The following SMIM35 variants were observed in gnomAD, a reference collection of about 807,000 sequenced individuals.
SMIM35 encodes the protein TMPRSS4 antisense RNA 1 (non-protein coding).
At chr11:118,048,373 C>T (rs1316100540) in intron 1 of SMIM35, among the ~76,000 whole-genome samples, 1 of 152,048 alleles carries the variant, frequency 6.6e-6, no homozygotes, top group Non-Finnish European at 1.5e-5. Context: ...ATTAGCTGGA[C>T]CTGCTGGCGT....
chr11:118,080,122 G>C (rs951231827), intron 1 of SMIM35, among the ~76,000 whole-genome samples: 12 of 152,206 alleles, frequency 7.9e-5, no homozygotes, highest in East Asian at 5.8e-4. Flanking sequence ...CACCCTGCAG[G>C]TGCTCAACAC....
intron 1 of SMIM35, among the ~76,000 whole-genome samples, chr11:118,073,565 C>G (rs556147327): frequency 6.6e-6 from 1 of 152,332 alleles, no homozygotes; most frequent in South Asian, 2.1e-4. Context: ...GACAAAAAAG[C>G]TGCCGGTGCA....
At chr11:118,013,267 T>G (rs190688523) in intron 4 of SMIM35, among the ~76,000 whole-genome samples, 4 of 151,940 alleles carry the variant, frequency 2.6e-5, no homozygotes, top group African/African-American at 7.2e-5. Flanking sequence ...ATGGTTTGAA[T>G]GGGAAAAAGC....
At position 118,031,530 on chromosome 11, in the gene SMIM35, A is replaced by G. The variant is rs531703191; in HGVS notation, c.8-15721T>C. On this transcript the variant is annotated intron_variant, in intron 1 of 4. Transcript: ENST00000689828. Reference sequence around the variant, plus strand: ...CAATGGCTGTTAAGTTTTCAAGGGAAGGCGAGAGTATCAAAATTTGATTTG... The same window carrying G: ...CAATGGCTGTTAAGTTTTCAAGGGAGGGCGAGAGTATCAAAATTTGATTTG... Among the ~76,000 whole-genome samples the G allele has an allele frequency of 9.2e-5, 14 of 152,332 alleles. No homozygotes were observed. In the South Asian group the frequency reaches 2.9e-3, roughly 32 times the overall value.
At chr11:118,067,071 A>G (rs1591308772) in intron 1 of SMIM35, among the ~76,000 whole-genome samples, 2 of 152,130 alleles carry the variant, frequency 1.3e-5, no homozygotes, top group East Asian at 3.8e-4. Context: ...TAATTTAGTT[A>G]AAACCAGATG....
Position 118,048,574 on chromosome 11 carries a change from GAAGGAAGGAAGGAAGGAAGGAAGC to G in SMIM35, c.8-32789_8-32766del, listed in dbSNP as rs1213720148. ...GGAAGGAAGGAAGGAAGGAAGGAAG[GAAGGAAGGAAGGAAGGAAGGAAGC>G]AAGGAAGCAAGGAAGCAAGGAAGGA... On this transcript the variant is annotated intron_variant, in intron 1 of 4. Coordinates refer to ENST00000689828, the MANE Select transcript of SMIM35 (RefSeq NM_001394165.1). Among the ~76,000 whole-genome samples, 8 of 87,600 alleles carry G rather than the reference GAAGGAAGGAAGGAAGGAAGGAAGC, an allele frequency of 9.1e-5. No homozygotes were observed. In the South Asian group the frequency reaches 2.0e-3, roughly 22 times the overall value. 57.5% of individuals were successfully genotyped at this position (87,600 alleles called of 152,430 possible). A position where few individuals can be genotyped will look rare whatever the true frequency, so the allele number is the denominator to read the frequency against.
At position 118,045,595 on chromosome 11, in the gene SMIM35, T is replaced by G. The variant is rs532108182; in HGVS notation, c.8-29786A>C. On this transcript the variant is annotated intron_variant, in intron 1 of 4. Transcript: ENST00000689828. ...TCAATTTCACATGATTTTCATCTTT[T>G]GCAATAGAAATATTTGTGTGATGAA... Among the ~76,000 whole-genome samples the G allele has an allele frequency of 2.0e-5, 3 of 152,362 alleles. No homozygotes were observed. In the East Asian group the frequency reaches 5.8e-4, roughly 29 times the overall value.
intron 1 of SMIM35, among the ~76,000 whole-genome samples, chr11:118,077,844 C>G (rs1222645216): frequency 6.6e-6 from 1 of 151,616 alleles, no homozygotes; most frequent in Non-Finnish European, 1.5e-5. Context: ...AAACCCCATC[C>G]GTACTAAAAA....
chr11:118,027,824 G>A (rs2058287159), intron 1 of SMIM35, among the ~76,000 whole-genome samples: 1 of 152,202 alleles, frequency 6.6e-6, no homozygotes. Context: ...TCAAAACGGA[G>A]TCCTGTTTTG....
intron 1 of SMIM35, among the ~76,000 whole-genome samples, chr11:118,064,632 G>T (rs530089750): frequency 8.5e-4 from 128 of 151,378 alleles, no homozygotes; most frequent in African/African-American, 3.0e-3. Flanking sequence ...ATTTTTTGTT[G>T]TTTTTTTCAT....
intron 1 of SMIM35, among the ~76,000 whole-genome samples, chr11:118,079,824 G>T (rs185819583): frequency 6.6e-6 from 1 of 152,340 alleles, no homozygotes; most frequent in East Asian, 1.9e-4. Flanking sequence ...CCTGACTGGG[G>T]CACAGAATCC....
At chr11:118,060,770 G>T (rs1944382062) in intron 1 of SMIM35, among the ~76,000 whole-genome samples, 1 of 152,176 alleles carries the variant, frequency 6.6e-6, no homozygotes, top group Non-Finnish European at 1.5e-5. Flanking sequence ...TGGAATGCTG[G>T]TTCTAATCTG....
intron 1 of SMIM35, among the ~76,000 whole-genome samples, chr11:118,054,947 G>T (rs1326529308): frequency 1.3e-5 from 2 of 151,938 alleles, no homozygotes; most frequent in Admixed American, 6.6e-5. Flanking sequence ...GGGATTACAG[G>T]TGCGCGCCAC....
intron 3 of SMIM35, among the ~76,000 whole-genome samples, chr11:118,014,384 AGATGGATGGATGGATG>A (rs72362173): frequency 2.4e-4 from 35 of 147,078 alleles, no homozygotes; most frequent in East Asian, 1.4e-3. Context: ...CTTGGGGGAG[AGATGGATGGATGGATG>A]GATGGATGGA....
rs1435252546 is a variant in SMIM35, at chr11:118,060,471, C to T, written c.7+26280G>A. Among the ~76,000 whole-genome samples, 4 of 152,208 alleles carry T rather than the reference C, an allele frequency of 2.6e-5. 1 individual carries two copies. Among genetic ancestry groups the T allele is most frequent in the South Asian group, 4.1e-4 (2 of 4,832 alleles). ...GTCAGGGTTTTGCTGCAGTCTGTTT[C>T]GATTCAGCCTTTTCTTCCCAGGCCG... is the stretch of plus-strand genomic sequence containing the variant. On this transcript the variant is annotated intron_variant, in intron 1 of 4. Transcript: ENST00000689828.
chr11:118,016,193 C>A (rs758298482), intron 1 of SMIM35, among the ~76,000 whole-genome samples: 28 of 152,104 alleles, frequency 1.8e-4, no homozygotes, highest in African/African-American at 6.8e-4. Flanking sequence ...GAACACAGAC[C>A]GGGGACCCTC....
chr11:118,037,939 T>TC (rs1305830869), intron 1 of SMIM35, among the ~76,000 whole-genome samples: 1 of 152,230 alleles, frequency 6.6e-6, no homozygotes, highest in African/African-American at 2.4e-5. Flanking sequence ...AAGCTTTCTG[T>TC]CCAGACTTCA....
At chr11:118,021,046 G>GTTTTTTTTTTTTTTTT in intron 1 of SMIM35, among the ~76,000 whole-genome samples, 1 of 130,814 alleles carries the variant, frequency 7.6e-6, no homozygotes, top group East Asian at 2.2e-4. Flanking sequence ...CACAGGGTAA[G>GTTTTTTTTTTTTTTTT]GTTTTTTTTT....
intron 3 of SMIM35, 61 bp downstream of exon 3, chr11:118,014,647 T>C: frequency 5.0e-6 from 2 of 398,770 alleles, no homozygotes; most frequent in Non-Finnish European, 4.4e-6. Flanking sequence ...TCTTTGATTC[T>C]TTTTCCATTA....
Sources: gnomAD v4.1 joint callset for allele counts (sites outside exome capture counted in the v4.1 genomes callset) on GRCh38, gnomAD v4.1.1 for gene constraint, MANE v1.5 for transcripts, NCBI Gene and HGNC (gene_info 2026-07-23, HGNC 2026-07-21) for gene names.